EYS: variants seen among roughly 807,000 people sequenced by gnomAD.
EYS encodes EGF-like photoreceptor maintenance factor.
EYS carries 250 observed loss-of-function variants against 282.1 expected under a neutral mutation model. That is an observed-to-expected ratio of 0.89 (90% CI 0.80 to 0.98). The LOEUF (loss-of-function observed/expected upper bound fraction) is 0.98, where lower values mean the gene tolerates loss of function less well. Among genes scored for constraint, EYS ranks in the 50% least tolerant of loss-of-function variants. The pLI is 0.00. For missense variants in EYS, 4,016 were observed against 3,709.0 expected, an observed-to-expected ratio of 1.08 and a Z score of -2.15; for synonymous variants, 1,355 against 1,282.9, an observed-to-expected ratio of 1.06 and a Z score of -1.20.
intron 15 of EYS, among the ~76,000 whole-genome samples, chr6:64,924,092 G>A (rs928252875): frequency 3.3e-5 from 5 of 152,190 alleles, no homozygotes; most frequent in African/African-American, 9.6e-5. Flanking sequence ...TGAGGACCCC[G>A]CCCCTTCAGC....
At chr6:65,375,363 C>A (rs1197386021) in intron 8 of EYS, among the ~76,000 whole-genome samples, 1 of 152,112 alleles carries the variant, frequency 6.6e-6, no homozygotes, top group Non-Finnish European at 1.5e-5. Flanking sequence ...GATCCCCACA[C>A]ACAGAAACCC....
intron 13 of EYS, among the ~76,000 whole-genome samples, chr6:65,040,601 T>C (rs1772904134): frequency 1.3e-5 from 2 of 151,700 alleles, no homozygotes; most frequent in African/African-American, 4.8e-5. Context: ...GGAGGAAAAA[T>C]TTAGCACATA....
chr6:64,206,432 T>A (rs1765609204), intron 31 of EYS, among the ~76,000 whole-genome samples: 1 of 152,236 alleles, frequency 6.6e-6, no homozygotes, highest in South Asian at 2.1e-4. Flanking sequence ...TTATTTTTGA[T>A]TCTCTAATTT....
chr6:63,994,434 A>G (rs1262953254), intron 34 of EYS, among the ~76,000 whole-genome samples: 1 of 151,916 alleles, frequency 6.6e-6, no homozygotes, highest in Non-Finnish European at 1.5e-5. Flanking sequence ...TCACAAGTCA[A>G]TTCTCTTCCA....
intron 15 of EYS, among the ~76,000 whole-genome samples, chr6:64,913,610 G>A (rs1768069337): frequency 1.3e-5 from 2 of 152,112 alleles, no homozygotes; most frequent in South Asian, 2.1e-4. Context: ...TGGTTTTGTA[G>A]GATTCCACAG....
rs1770028415 is a variant in EYS, at chr6:64,034,752, TAATC to T, written c.6725+31582_6725+31585del. 2.6e-5 allele frequency among the ~76,000 whole-genome samples: 4 copies of T among 152,066 alleles called. No individual in the cohort carries two copies. In the South Asian group the frequency reaches 8.3e-4, roughly 32 times the overall value. ...GAAGCAGAGTTATTAGGCCAGGAAA[TAATC>T]CATCTATGGCATTAAGAGGAATAAT... On this transcript the variant is annotated intron_variant, in intron 33 of 42. Transcript: ENST00000503581.
At chr6:65,114,788 C>T (rs138994924) in intron 12 of EYS, among the ~76,000 whole-genome samples, 383 of 152,008 alleles carry the variant, frequency 2.5e-3, no homozygotes, top group African/African-American at 8.4e-3. Flanking sequence ...ATGTTGATTG[C>T]TCCCAAATTC....
intron 12 of EYS, among the ~76,000 whole-genome samples, chr6:65,082,531 T>G (rs1774255749): frequency 6.6e-6 from 1 of 152,090 alleles, no homozygotes. Context: ...GCAAAAATCA[T>G]AACATACTCT....
chr6:64,305,084 AAAG>A (rs1328308635), intron 30 of EYS, among the ~76,000 whole-genome samples: 3 of 152,156 alleles, frequency 2.0e-5, no homozygotes, highest in African/African-American at 4.8e-5. Flanking sequence ...AGGAAAATAA[AAAG>A]AAGACTCAAT....
intron 19 of EYS, among the ~76,000 whole-genome samples, chr6:64,827,496 T>C (rs1765094351): frequency 6.6e-6 from 1 of 151,872 alleles, no homozygotes; most frequent in Admixed American, 6.6e-5. Flanking sequence ...ATCAAAATAG[T>C]CAGCTTAACT....
At chr6:64,660,189 C>G (rs202171356) in intron 22 of EYS, among the ~76,000 whole-genome samples, 1 of 121,142 alleles carries the variant, frequency 8.3e-6, no homozygotes, top group Non-Finnish European at 1.8e-5. Flanking sequence ...TTCAACAACA[C>G]TTCATGCTAA....
At chr6:64,396,910 G>A (rs1054966304) in intron 28 of EYS, among the ~76,000 whole-genome samples, 1 of 151,978 alleles carries the variant, frequency 6.6e-6, no homozygotes. Flanking sequence ...GTGCATGCAT[G>A]TGTGTGCACA....
intron 33 of EYS, among the ~76,000 whole-genome samples, chr6:64,024,386 T>G (rs533751751): frequency 1.2e-3 from 175 of 152,092 alleles, no homozygotes; most frequent in Non-Finnish European, 1.8e-3. Context: ...TGGTGGGGAC[T>G]TGGAGAACAT....
At chr6:64,144,786 T>G (rs1774455761) in intron 31 of EYS, among the ~76,000 whole-genome samples, 1 of 152,104 alleles carries the variant, frequency 6.6e-6, no homozygotes, top group Non-Finnish European at 1.5e-5. Context: ...TATGGTCCCA[T>G]GATGTGAGTA....
intron 30 of EYS, among the ~76,000 whole-genome samples, chr6:64,243,213 G>A (rs895681430): frequency 6.6e-6 from 1 of 151,868 alleles, no homozygotes; most frequent in Non-Finnish European, 1.5e-5. Context: ...ATCACTCTCT[G>A]TGTTACATTT....
At chr6:64,093,616 C>A (rs533577314) in intron 31 of EYS, among the ~76,000 whole-genome samples, 81 of 152,262 alleles carry the variant, frequency 5.3e-4, no homozygotes, top group African/African-American at 1.8e-3. Flanking sequence ...TATCCCGAGA[C>A]TTTGTTGAAG....
chr6:64,626,790 T>C (rs1156291282), intron 22 of EYS, among the ~76,000 whole-genome samples: 1 of 152,174 alleles, frequency 6.6e-6, no homozygotes, highest in East Asian at 1.9e-4. Flanking sequence ...AACGAGTTTG[T>C]GGTAATTTAT....
chr6:63,979,155 C>T (rs1000417428), intron 35 of EYS, among the ~76,000 whole-genome samples: 1 of 151,930 alleles, frequency 6.6e-6, no homozygotes, highest in African/African-American at 2.4e-5. Flanking sequence ...TTTGCCAAAT[C>T]CTGCCAGCCA....
intron 26 of EYS, among the ~76,000 whole-genome samples, chr6:64,440,477 T>TTGTG (rs1274197368): frequency 1.3e-5 from 2 of 151,730 alleles, no homozygotes; most frequent in Non-Finnish European, 3.0e-5. Context: ...GTGTGTGTGT[T>TTGTG]TGTGTGTGTG....
Sources: gnomAD v4.1 joint callset for allele counts (sites outside exome capture counted in the v4.1 genomes callset) on GRCh38, gnomAD v4.1.1 for gene constraint, MANE v1.5 for transcripts, NCBI Gene and HGNC (gene_info 2026-07-23, HGNC 2026-07-21) for gene names.